PI4K2B: variants seen among roughly 807,000 people sequenced by gnomAD.
PI4K2B encodes phosphatidylinositol 4-kinase type 2 beta, also known as phosphatidylinositol 4-kinase type 2-beta.
Under a neutral mutation model 56.6 loss-of-function variants are expected in PI4K2B, and 46 were observed. That is an observed-to-expected ratio of 0.81 (90% CI 0.64 to 1.04). The LOEUF is 1.04. Ranked by LOEUF, PI4K2B falls within the 50% of genes least tolerant of loss-of-function variation. The pLI, the probability that PI4K2B is intolerant of heterozygous loss-of-function variation, is 0.00. For synonymous variants in PI4K2B, 211 were observed against 223.8 expected, an observed-to-expected ratio of 0.94 and a Z score of 0.51; for missense variants, 556 against 607.7, an observed-to-expected ratio of 0.91 and a Z score of 0.89.
At chr4:25,234,798 A>G (rs1445419236) in intron 1 of PI4K2B, among the ~76,000 whole-genome samples, 2 of 152,236 alleles carry the variant, frequency 1.3e-5, no homozygotes, top group African/African-American at 4.8e-5. Flanking sequence ...TTGAACTCTC[A>G]GGAAAGTTCC....
chr4:25,258,227 T>TTTTTTTTTTTG (rs58366884), intron 4 of PI4K2B, among the ~76,000 whole-genome samples: 2 of 150,162 alleles, frequency 1.3e-5, no homozygotes, highest in Admixed American at 6.7e-5. Context: ...TTTTTTTTTT[T>TTTTTTTTTTTG]GAGACAGTCT....
chr4:25,255,255 C>G lies in PI4K2B; in HGVS notation c.614C>G (p.Pro205Arg). 1 of 1,613,498 alleles carries G rather than the reference C, an allele frequency of 6.2e-7. No individual in the cohort carries two copies. The highest frequency in any genetic ancestry group is 8.5e-7 in the Non-Finnish European group (1 of 1,179,470). ...VDNKLHLSIV[P>R]KTKVVWLVSE... ...AACAAGCTTCATCTGAGCATTGTAC[C>G]TAAAACAAAGGTAAGCCAGACTTTA... The change falls in exon 3 of 10, where the codon CCT becomes CGT. Residue 205 changes from proline (P) to arginine (R), a missense_variant. Pro to Arg is a moderately radical substitution (Grantham distance 103). Transcript: ENST00000264864.
In PI4K2B at chr4:25,268,551, G is replaced by C. The variant is rs755925769; in HGVS notation, c.1187G>C (p.Cys396Ser). 3.2e-6 allele frequency: 5 copies of C among 1,583,802 alleles called. No individual in the cohort carries two copies. The highest frequency in any genetic ancestry group is 3.4e-6 in the Non-Finnish European group (4 of 1,161,000). The change falls in exon 8 of 10, where the codon TGT becomes TCT. Residue 396 changes from cysteine (C) to serine (S), a missense_variant. By Grantham distance (112) the Cys-to-Ser change is moderately radical. Coordinates refer to ENST00000264864, the MANE Select transcript of PI4K2B (RefSeq NM_018323.4). ...GACATGAACTTTGTGCAAGATTTAT[G>C]TGAAGATCTCTATGAACTTTTTAAG... Reference protein sequence around the residue: ...ISDMNFVQDLCEDLYELFKTD... With the variant: ...ISDMNFVQDLSEDLYELFKTD...
At chr4:25,266,483 C>T (rs1716667603) in intron 7 of PI4K2B, among the ~76,000 whole-genome samples, 1 of 152,062 alleles carries the variant, frequency 6.6e-6, no homozygotes, top group Non-Finnish European at 1.5e-5. Flanking sequence ...TAAGCTTTTC[C>T]TGCCCTCTTA....
chr4:25,253,094 C>T (rs918932329), intron 2 of PI4K2B, among the ~76,000 whole-genome samples: 24 of 152,174 alleles, frequency 1.6e-4, no homozygotes, highest in African/African-American at 4.8e-4. Context: ...AGTCTATAAC[C>T]TTAATAGCCA....
At chr4:25,269,090 A>G in intron 8 of PI4K2B, 54 bp from the exon 9 acceptor site, 1 of 996,358 alleles carries the variant, frequency 1.0e-6, no homozygotes, top group Non-Finnish European at 1.6e-6. Context: ...CTGTTTTCAA[A>G]TATTTATATC....
intron 1 of PI4K2B, among the ~76,000 whole-genome samples, chr4:25,248,148 TTACATACTTCA>T (rs1254225411): frequency 1.3e-5 from 2 of 152,242 alleles, no homozygotes; most frequent in African/African-American, 4.8e-5. Context: ...ACTTGATAAG[TTACATACTTCA>T]TACATACTTA....
intron 1 of PI4K2B, among the ~76,000 whole-genome samples, chr4:25,240,568 G>T (rs1716435039): frequency 6.6e-6 from 1 of 152,156 alleles, no homozygotes; most frequent in Non-Finnish European, 1.5e-5. Flanking sequence ...TGGGGCAATG[G>T]TAATGTTGGG....
In PI4K2B at chr4:25,235,974, C is replaced by T. The variant is rs1192152900; in HGVS notation, c.268+1543C>T. On this transcript the variant is annotated intron_variant, in intron 1 of 9. Coordinates refer to ENST00000264864, the MANE Select transcript of PI4K2B (RefSeq NM_018323.4). ...TTCGAGACCCACCTGGGCAACATAG[C>T]GAGATCCCCATCTCTATAAAAAATA... 2.7e-5 allele frequency among the ~76,000 whole-genome samples: 4 copies of T among 149,564 alleles called. No homozygotes were observed. The Admixed American group carries it at 2.7e-4, about 10-fold the overall frequency.
intron 4 of PI4K2B, among the ~76,000 whole-genome samples, chr4:25,258,333 G>A (rs184503416): frequency 6.7e-6 from 1 of 149,618 alleles, no homozygotes; most frequent in Admixed American, 6.8e-5. Context: ...TCAGCCTTCT[G>A]AGTAGCTGGG....
Position 25,277,367 on chromosome 4 carries a change from T to C in PI4K2B, c.*180T>C. ...TTTTGTCCAAATATTAAATTTCTAT[T>C]TCAGGGAAGAAGTGCTATATCTCCT... On this transcript the variant is annotated 3_prime_UTR_variant, in exon 10 of 10. Coordinates refer to ENST00000264864, the MANE Select transcript of PI4K2B (RefSeq NM_018323.4). 1 of 604,554 alleles carries C rather than the reference T, an allele frequency of 1.7e-6. No individual in the cohort carries two copies. Among genetic ancestry groups the C allele is most frequent in the Non-Finnish European group, 2.6e-6 (1 of 385,752 alleles). 37.4% of individuals were successfully genotyped at this position (604,554 alleles called of 1,614,324 possible). A position where few individuals can be genotyped will look rare whatever the true frequency, so the allele number is the denominator to read the frequency against.
rs1349722487 is a variant in PI4K2B at position 25,252,330 on chromosome 4, G to C, written c.278G>C (p.Gly93Ala). Residue 93 changes from glycine (G) to alanine (A), a missense_variant, in exon 2 of 10, where the codon GGT (glycine) becomes GCT (alanine). Transcript: ENST00000264864. ...RSRPAVSVTI[G>A]TSEMNAFLDD... ...TTTCTTCTTAATGCAGTAACTATTG[G>C]TACTTCAGAGATGAATGCATTCTTG... 1.9e-6 allele frequency: 3 copies of C among 1,609,362 alleles called. No homozygotes were observed. The highest frequency in any genetic ancestry group is 1.7e-5 in the Admixed American group (1 of 59,896).
chr4:25,253,757 T>C (rs1027140114), intron 2 of PI4K2B, among the ~76,000 whole-genome samples: 1 of 152,212 alleles, frequency 6.6e-6, no homozygotes, highest in Non-Finnish European at 1.5e-5. Flanking sequence ...AAAAGATTTT[T>C]TAATACGAGA....
intron 7 of PI4K2B, 150 bp downstream of exon 7, chr4:25,263,999 G>A: frequency 2.1e-6 from 1 of 481,362 alleles, no homozygotes; most frequent in South Asian, 4.2e-5. Context: ...GGATGCAAAT[G>A]TATACTACAG....
intron 9 of PI4K2B, among the ~76,000 whole-genome samples, chr4:25,271,606 A>G (rs769634116): frequency 9.2e-5 from 14 of 152,216 alleles, no homozygotes; most frequent in Non-Finnish European, 2.1e-4. Context: ...GAGTTTTGCC[A>G]TCCCAAAACT....
At chr4:25,246,346 G>A (rs554094695) in intron 1 of PI4K2B, among the ~76,000 whole-genome samples, 63 of 152,224 alleles carry the variant, frequency 4.1e-4, no homozygotes, top group African/African-American at 6.3e-4. Context: ...TGATTGGTCC[G>A]TTTTGACAGG....
chr4:25,253,494 T>G (rs1716139146), intron 2 of PI4K2B, among the ~76,000 whole-genome samples: 1 of 152,232 alleles, frequency 6.6e-6, no homozygotes, highest in African/African-American at 2.4e-5. Context: ...TTTTTAAGAT[T>G]AAAATGTATT....
intron 1 of PI4K2B, among the ~76,000 whole-genome samples, chr4:25,235,353 A>G (rs1259054136): frequency 6.6e-6 from 1 of 152,206 alleles, no homozygotes; most frequent in Non-Finnish European, 1.5e-5. Flanking sequence ...AGAAAATGGA[A>G]GTTTCTTTAA....
rs570976176 is a variant in PI4K2B, at chr4:25,276,836, T to C, written c.1273-178T>C. ...GTGTGTGCGCGTGTGTGTGTGCGCG[T>C]GTGTGTGTAAACATACATTCATATA... On this transcript the variant is annotated intron_variant, in intron 9 of 9. Coordinates refer to ENST00000264864, the MANE Select transcript of PI4K2B (RefSeq NM_018323.4). 132 of 983,570 alleles carry C rather than the reference T, an allele frequency of 1.3e-4. No homozygotes were observed. The South Asian group carries it at 3.2e-3, about 24-fold the overall frequency. The allele number at this position is 983,570 out of a possible 1,614,324, so 60.9% of individuals were successfully genotyped here.
Sources: allele counts gnomAD v4.1 joint callset (sites outside exome capture counted in the v4.1 genomes callset), GRCh38; gene constraint gnomAD v4.1.1; transcripts MANE v1.5; gene names NCBI Gene and HGNC (gene_info 2026-07-23, HGNC 2026-07-21).